Variants in ELOVL7 observed in about 807,000 individuals in gnomAD.
ELOVL7 encodes ELOVL fatty acid elongase 7.
A neutral mutation model predicts 35.7 loss-of-function variants in ELOVL7; 27 were observed. That is an observed-to-expected ratio of 0.76 (90% CI 0.56 to 1.04). ELOVL7 has a LOEUF of 1.04. ELOVL7 is among the 50% of genes least tolerant of loss of function. The probability of loss-of-function intolerance (pLI) is 0.00; values close to 1 mark genes in which losing one functional copy is unlikely to be tolerated. For missense variants in ELOVL7, 327 were observed against 340.8 expected (o/e 0.96, Z 0.32); for synonymous variants, 113 against 114.6 (o/e 0.99, Z 0.09).
chr5:60,784,210 A>C (rs1312357699), intron 3 of ELOVL7: 22 of 1,306,060 alleles, frequency 1.7e-5, no homozygotes. Flanking sequence ...TGAAATGAAG[A>C]AGCTGGAAGG....
intron 3 of ELOVL7, among the ~76,000 whole-genome samples, chr5:60,784,927 T>G (rs945179573): frequency 6.6e-6 from 1 of 152,206 alleles, no homozygotes; most frequent in Non-Finnish European, 1.5e-5. Flanking sequence ...CTATCATCTG[T>G]AACAACCAGC....
chr5:60,762,134 G>A (rs989461153), intron 7 of ELOVL7, among the ~76,000 whole-genome samples: 36 of 151,864 alleles, frequency 2.4e-4, no homozygotes, highest in Non-Finnish European at 3.7e-4. Flanking sequence ...GAAGAAGAAG[G>A]ATTAAGGTGT....
chr5:60,818,319 G>GA (rs60141189), intron 1 of ELOVL7, among the ~76,000 whole-genome samples: 2,951 of 70,514 alleles, frequency 0.042, 154 homozygotes, highest in African/African-American at 0.12. Flanking sequence ...TTCCATCTCA[G>GA]AAAAAAAAAA....
chr5:60,802,117 T>TATAC (rs1744677197), intron 1 of ELOVL7, among the ~76,000 whole-genome samples: 4 of 12,072 alleles, frequency 3.3e-4, no homozygotes, highest in African/African-American at 6.1e-4. Context: ...TATATATATA[T>TATAC]ACACACACAC....
chr5:60,775,436 T>C (rs554685203), intron 3 of ELOVL7, among the ~76,000 whole-genome samples: 2 of 149,030 alleles, frequency 1.3e-5, no homozygotes, highest in East Asian at 1.9e-4. Flanking sequence ...GCTATTCCTA[T>C]CAAATTACCA....
intron 1 of ELOVL7, among the ~76,000 whole-genome samples, chr5:60,810,056 C>T (rs1257915033): frequency 3.3e-5 from 5 of 152,166 alleles, no homozygotes; most frequent in African/African-American, 7.2e-5. Context: ...CTCAAACTAT[C>T]GCTCAGTGAG....
intron 1 of ELOVL7, among the ~76,000 whole-genome samples, chr5:60,820,777 T>C (rs892381138): frequency 1.6e-4 from 25 of 152,286 alleles, no homozygotes; most frequent in Non-Finnish European, 2.6e-4. Flanking sequence ...CTGTGGTGTA[T>C]GCCATCTTTA....
intron 1 of ELOVL7, among the ~76,000 whole-genome samples, chr5:60,809,860 T>A (rs1360665316): frequency 6.6e-6 from 1 of 152,244 alleles, no homozygotes; most frequent in East Asian, 1.9e-4. Flanking sequence ...TGATTCTGAT[T>A]ATGGAAACTC....
chr5:60,754,293 T>C lies in ELOVL7; in HGVS notation c.*331A>G, dbSNP rs1262158451. 2 of 214,892 alleles carry C rather than the reference T, an allele frequency of 9.3e-6. No homozygotes were observed. Among genetic ancestry groups the C allele is most frequent in the Non-Finnish European group, 1.9e-5 (2 of 106,402 alleles). 13.3% of individuals were successfully genotyped at this position (214,892 alleles called of 1,614,324 possible). A position where few individuals can be genotyped will look rare whatever the true frequency, so the allele number is the denominator to read the frequency against. On this transcript the variant is annotated 3_prime_UTR_variant, in exon 9 of 9. Transcript: ENST00000508821. ...AAATACCTAATGATATTTTTCATCT[T>C]TATTGGACTTCTTTGAAGAGTACTG...
At chr5:60,821,695 G>C (rs1276841431) in intron 1 of ELOVL7, among the ~76,000 whole-genome samples, 1 of 152,208 alleles carries the variant, frequency 6.6e-6, no homozygotes, top group African/African-American at 2.4e-5. Context: ...GCCTGTGACT[G>C]GTGCTGACGC....
At chr5:60,837,841 C>G (rs1325224824) in intron 1 of ELOVL7, among the ~76,000 whole-genome samples, 2 of 152,180 alleles carry the variant, frequency 1.3e-5, no homozygotes, top group African/African-American at 4.8e-5. Context: ...ACTCGGGAGG[C>G]TGAGGCAGGA....
intron 1 of ELOVL7, chr5:60,802,563 C>T (rs1287084315): frequency 6.6e-6 from 1 of 152,154 alleles, no homozygotes; most frequent in Admixed American, 6.5e-5. Flanking sequence ...AAAGAACTCA[C>T]AAGAGATGTG....
chr5:60,803,563 CT>C (rs1472896503), intron 1 of ELOVL7, among the ~76,000 whole-genome samples: 1 of 152,118 alleles, frequency 6.6e-6, no homozygotes, highest in Non-Finnish European at 1.5e-5. Flanking sequence ...AATTACATAC[CT>C]GCTATTTAGA....
intron 1 of ELOVL7, among the ~76,000 whole-genome samples, chr5:60,837,315 T>TGGGGGGG (rs1227317155): frequency 5.7e-4 from 14 of 24,508 alleles, no homozygotes; most frequent in East Asian, 3.7e-3. Flanking sequence ...GGCGGGGGGG[T>TGGGGGGG]GGGGGGGGAG....
intron 1 of ELOVL7, among the ~76,000 whole-genome samples, chr5:60,816,961 T>A (rs536860171): frequency 2.1e-4 from 32 of 152,304 alleles, no homozygotes; most frequent in African/African-American, 7.5e-4. Context: ...ATGTTGCAAC[T>A]TTTTGCGAAT....
chr5:60,818,505 G>A (rs1239316016), intron 1 of ELOVL7, among the ~76,000 whole-genome samples: 3 of 152,164 alleles, frequency 2.0e-5, no homozygotes, highest in African/African-American at 7.2e-5. Flanking sequence ...AAAAATGAAA[G>A]CAATGATAAG....
chr5:60,834,344 A>T (rs1156981587), intron 1 of ELOVL7, among the ~76,000 whole-genome samples: 2 of 152,094 alleles, frequency 1.3e-5, no homozygotes, highest in Non-Finnish European at 2.9e-5. Flanking sequence ...ACGGGGTTTC[A>T]CCGTGTTAGC....
intron 7 of ELOVL7, among the ~76,000 whole-genome samples, chr5:60,761,037 A>G (rs1219782589): frequency 1.3e-5 from 2 of 151,800 alleles, no homozygotes; most frequent in Non-Finnish European, 2.9e-5. Context: ...AGCTATTTTA[A>G]TATTTACAAA....
At chr5:60,807,003 C>G in intron 1 of ELOVL7, among the ~76,000 whole-genome samples, 1 of 152,152 alleles carries the variant, frequency 6.6e-6, no homozygotes, top group South Asian at 2.1e-4. Context: ...CGCTGTGGCC[C>G]AGGAAAGGGT....
Sources: gnomAD v4.1 joint callset for allele counts (sites outside exome capture counted in the v4.1 genomes callset) on GRCh38, gnomAD v4.1.1 for gene constraint, MANE v1.5 for transcripts, NCBI Gene and HGNC (gene_info 2026-07-23, HGNC 2026-07-21) for gene names.